Variants in TMEM200A observed in about 807,000 individuals in gnomAD.
The protein encoded by TMEM200A is two transmembrane C.
In TMEM200A, 12 loss-of-function variants were observed where a neutral mutation model predicts 24.3. The observed-to-expected ratio is 0.49, with a 90% confidence interval of 0.32 to 0.80. The LOEUF (loss-of-function observed/expected upper bound fraction) is 0.80, where lower values mean the gene tolerates loss of function less well. TMEM200A is among the 30% of genes least tolerant of loss of function. The pLI is 0.04. For synonymous variants in TMEM200A, 224 were observed against 224.4 expected (o/e 1.00, Z 0.02); for missense variants, 545 against 614.4 (o/e 0.89, Z 1.19).
intron 2 of TMEM200A, among the ~76,000 whole-genome samples, chr6:130,407,893 A>G (rs529366133): frequency 2.0e-5 from 3 of 152,342 alleles, no homozygotes; most frequent in African/African-American, 7.2e-5. Flanking sequence ...TACGTCTGCT[A>G]TCCTTTTTAT....
At position 130,441,651 on chromosome 6, in the gene TMEM200A, A is replaced by G. The variant is rs1421861956; in HGVS notation, c.1229A>G (p.Gln410Arg). 6.2e-7 allele frequency: 1 copy of G among 1,613,944 alleles called. No homozygotes were observed. Among genetic ancestry groups the G allele is most frequent in the African/African-American group, 1.3e-5 (1 of 74,916 alleles). ...LDRGPSTLTV[Q>R]AEQRKHPSWP... ...CGGGGTCCCTCCACTCTAACTGTTC[A>G]GGCAGAACAACGGAAACATCCAAGT... The change falls in exon 3 of 3, where the codon CAG (glutamine) becomes CGG (arginine). Residue 410 changes from glutamine to arginine, a missense_variant. Physicochemically the swap from Gln to Arg is conservative, Grantham distance 43. Coordinates refer to ENST00000296978, the MANE Select transcript of TMEM200A (RefSeq NM_001258277.2).
At chr6:130,367,826 T>C (rs1778222426) in intron 1 of TMEM200A, among the ~76,000 whole-genome samples, 1 of 152,210 alleles carries the variant, frequency 6.6e-6, no homozygotes, top group Admixed American at 6.5e-5. Context: ...TTTAGAATGA[T>C]TTTTTAACCA....
chr6:130,421,146 T>C (rs1164072047), intron 2 of TMEM200A: 1 of 152,140 alleles, frequency 6.6e-6, no homozygotes, highest in African/African-American at 2.4e-5. Flanking sequence ...CCTGGAGGAC[T>C]TATGAAACCA....
At chr6:130,426,000 G>A (rs1193653723) in intron 2 of TMEM200A, among the ~76,000 whole-genome samples, 1 of 152,098 alleles carries the variant, frequency 6.6e-6, no homozygotes, top group Non-Finnish European at 1.5e-5. Context: ...AACACTATTA[G>A]TATTTGATTT....
At chr6:130,418,814 G>A (rs773665428) in intron 2 of TMEM200A, among the ~76,000 whole-genome samples, 3 of 151,902 alleles carry the variant, frequency 2.0e-5, no homozygotes, top group Non-Finnish European at 4.4e-5. Context: ...ACATATTTCT[G>A]GGGTACATGT....
intron 1 of TMEM200A, among the ~76,000 whole-genome samples, chr6:130,377,085 T>C (rs1311469473): frequency 1.3e-5 from 2 of 152,234 alleles, no homozygotes; most frequent in Non-Finnish European, 1.5e-5. Flanking sequence ...TTGTGTTCCA[T>C]GCTAAGAGCA....
At chr6:130,398,242 T>C (rs1475923593) in intron 2 of TMEM200A, among the ~76,000 whole-genome samples, 1 of 152,160 alleles carries the variant, frequency 6.6e-6, no homozygotes, top group Non-Finnish European at 1.5e-5. Flanking sequence ...GATTCCTGTG[T>C]AGTTCTCTCA....
chr6:130,373,741 C>T (rs377471743), intron 1 of TMEM200A, among the ~76,000 whole-genome samples: 3 of 152,228 alleles, frequency 2.0e-5, no homozygotes, highest in South Asian at 4.1e-4. Context: ...TAAAAAGATT[C>T]GTGGAACGAT....
intron 2 of TMEM200A, among the ~76,000 whole-genome samples, chr6:130,426,184 G>A (rs1437665793): frequency 6.6e-6 from 1 of 152,066 alleles, no homozygotes; most frequent in Non-Finnish European, 1.5e-5. Context: ...GCCACCAGTA[G>A]GGTAACCCTT....
At chr6:130,400,370 T>G (rs1215997666) in intron 2 of TMEM200A, among the ~76,000 whole-genome samples, 1 of 152,086 alleles carries the variant, frequency 6.6e-6, no homozygotes, top group Non-Finnish European at 1.5e-5. Flanking sequence ...CCACCAGCAG[T>G]GTAGAATTGT....
intron 2 of TMEM200A, among the ~76,000 whole-genome samples, chr6:130,436,336 A>C (rs371538352): frequency 2.0e-5 from 3 of 152,106 alleles, no homozygotes; most frequent in African/African-American, 7.2e-5. Flanking sequence ...ATTATTATTA[A>C]AACTTAGAAG....
chr6:130,390,015 G>A (rs1778798888), intron 2 of TMEM200A, among the ~76,000 whole-genome samples: 1 of 152,156 alleles, frequency 6.6e-6, no homozygotes, highest in South Asian at 2.1e-4. Context: ...GGCACTTGTC[G>A]AGAATGGCCA....
rs537376683 is a variant in TMEM200A at position 130,369,835 on chromosome 6, G to A, written c.-81+3311G>A. 3.3e-5 allele frequency among the ~76,000 whole-genome samples: 5 copies of A among 152,292 alleles called. No homozygotes were observed. In the East Asian group the frequency reaches 7.7e-4, roughly 24 times the overall value. On this transcript the variant is annotated intron_variant, in intron 1 of 2. Coordinates refer to ENST00000296978, the MANE Select transcript of TMEM200A (RefSeq NM_001258277.2). ...GATGAGTGTCTGTACATTCCTTCCT[G>A]TAGAGCCCTAATCACTCTGCTCTGA...
chr6:130,365,786 T>A, upstream of TMEM200A: 2 of 985,438 alleles, frequency 2.0e-6, no homozygotes, highest in Non-Finnish European at 2.4e-6. Context: ...TGCAACTTTG[T>A]GGCCGGGACG....
At chr6:130,390,568 C>A (rs889168663) in intron 2 of TMEM200A, among the ~76,000 whole-genome samples, 1 of 152,138 alleles carries the variant, frequency 6.6e-6, no homozygotes, top group Non-Finnish European at 1.5e-5. Flanking sequence ...ATTCTTTATA[C>A]CCTTAAAGGT....
At chr6:130,427,810 C>T (rs1209944361) in intron 2 of TMEM200A, among the ~76,000 whole-genome samples, 1 of 150,746 alleles carries the variant, frequency 6.6e-6, no homozygotes, top group African/African-American at 2.4e-5. Flanking sequence ...TTTGCTCATT[C>T]TTCTTTTCAT....
chr6:130,381,600 T>C (rs2115089757), intron 1 of TMEM200A, among the ~76,000 whole-genome samples: 1 of 152,332 alleles, frequency 6.6e-6, no homozygotes, highest in South Asian at 2.1e-4. Context: ...TCAGAGAATG[T>C]CCACCATGTT....
rs180873511 is a variant in TMEM200A at position 130,398,738 on chromosome 6, A to C, written c.-17+13502A>C. 1.3e-3 allele frequency among the ~76,000 whole-genome samples: 201 copies of C among 152,110 alleles called. 1 individual carries two copies. The highest frequency in any genetic ancestry group is 4.6e-3 in the African/African-American group (192 of 41,516). ...ATTCGAATTTCTGTAATGATTAGTG[A>C]TGATGAGCATTTTTTCATGTATATA... is the stretch of plus-strand genomic sequence containing the variant. On this transcript the variant is annotated intron_variant, in intron 2 of 2. Coordinates refer to ENST00000296978, the MANE Select transcript of TMEM200A (RefSeq NM_001258277.2).
chr6:130,397,330 G>A (rs1385868784), intron 2 of TMEM200A, among the ~76,000 whole-genome samples: 1 of 152,012 alleles, frequency 6.6e-6, no homozygotes, highest in African/African-American at 2.4e-5. Context: ...TAAAGTGATT[G>A]TACCAATTTG....
Sources: gnomAD v4.1 joint callset for allele counts (sites outside exome capture counted in the v4.1 genomes callset) on GRCh38, gnomAD v4.1.1 for gene constraint, MANE v1.5 for transcripts, NCBI Gene and HGNC (gene_info 2026-07-23, HGNC 2026-07-21) for gene names.